Variants in ZSCAN5A observed in about 807,000 individuals in gnomAD.
The protein encoded by ZSCAN5A is zinc finger and SCAN domain containing 5A.
Under a neutral mutation model 23.7 loss-of-function variants are expected in ZSCAN5A, and 12 were observed. The observed-to-expected ratio is 0.51, with a 90% confidence interval of 0.32 to 0.82. ZSCAN5A has a LOEUF of 0.82. Ranked by LOEUF, ZSCAN5A falls within the 40% of genes least tolerant of loss-of-function variation. The pLI is 0.03. For synonymous variants in ZSCAN5A, 257 were observed against 239.9 expected (o/e 1.07, Z -0.66); for missense variants, 597 against 617.9 (o/e 0.97, Z 0.36).
chr19:56,342,964 C>T, intron 2 of ZSCAN5A: 2 of 936,310 alleles, frequency 2.1e-6, no homozygotes, highest in Non-Finnish European at 1.8e-6. Context: ...TGCCCATTTT[C>T]AAAAATACTT....
intron 2 of ZSCAN5A, chr19:56,354,470 G>A (rs1466906600): frequency 1.3e-5 from 2 of 152,198 alleles, no homozygotes; most frequent in Non-Finnish European, 2.9e-5. Context: ...TTGATGGGCA[G>A]GGGCATTATT....
intron 2 of ZSCAN5A, among the ~76,000 whole-genome samples, chr19:56,261,629 G>A (rs1395837125): frequency 6.6e-6 from 1 of 152,096 alleles, no homozygotes; most frequent in Admixed American, 6.6e-5. Flanking sequence ...GAGAGAGAGG[G>A]AGACAGAGAG....
At chr19:56,248,288 C>T (rs570574619) in intron 2 of ZSCAN5A, among the ~76,000 whole-genome samples, 95 of 151,168 alleles carry the variant, frequency 6.3e-4, no homozygotes, top group Non-Finnish European at 1.1e-3. Flanking sequence ...TGAGATGGGG[C>T]CTCACTCTTT....
intron 2 of ZSCAN5A, among the ~76,000 whole-genome samples, chr19:56,254,915 T>G (rs75865551): frequency 0.045 from 6,790 of 152,196 alleles, 523 homozygotes; most frequent in African/African-American, 0.15. Context: ...GTTAGCGTTC[T>G]TTATATACTC....
At chr19:56,225,209 T>C in intron 2 of ZSCAN5A, 36 bp from the exon 3 acceptor site, 1 of 1,417,806 alleles carries the variant, frequency 7.1e-7, no homozygotes, top group Non-Finnish European at 9.2e-7. Flanking sequence ...TTAGTTTAAG[T>C]TACTACTCCA....
At chr19:56,324,347 A>T (rs1183438747) in intron 2 of ZSCAN5A, among the ~76,000 whole-genome samples, 2 of 152,160 alleles carry the variant, frequency 1.3e-5, no homozygotes. Context: ...TATATGTATC[A>T]TATTTTGTTC....
At chr19:56,233,839 G>A (rs778075409) in intron 2 of ZSCAN5A, among the ~76,000 whole-genome samples, 1 of 152,070 alleles carries the variant, frequency 6.6e-6, no homozygotes, top group Non-Finnish European at 1.5e-5. Flanking sequence ...CTGTAACAAG[G>A]ATGCAAATGC....
intron 2 of ZSCAN5A, among the ~76,000 whole-genome samples, chr19:56,253,675 G>A (rs2036512559): frequency 1.3e-5 from 2 of 152,164 alleles, no homozygotes; most frequent in African/African-American, 2.4e-5. Context: ...GAATGAGGAC[G>A]CGTGGGGAGA....
chr19:56,321,180 G>T, intron 2 of ZSCAN5A: 1 of 658,396 alleles, frequency 1.5e-6, no homozygotes. Context: ...GTAATTACGT[G>T]CTTCATTCAA....
At chr19:56,262,741 A>T (rs150418427) in intron 2 of ZSCAN5A, among the ~76,000 whole-genome samples, 5 of 152,272 alleles carry the variant, frequency 3.3e-5, no homozygotes, top group African/African-American at 1.2e-4. Context: ...CCTGATTTTC[A>T]TTCAACATTA....
At chr19:56,343,251 CT>C in intron 2 of ZSCAN5A, 1 of 831,818 alleles carries the variant, frequency 1.2e-6, no homozygotes, top group Non-Finnish European at 1.9e-6. Flanking sequence ...TGGCAACCCC[CT>C]TCAGTATTCC....
chr19:56,288,262 C>T (rs577841572), intron 2 of ZSCAN5A, among the ~76,000 whole-genome samples: 6 of 152,304 alleles, frequency 3.9e-5, no homozygotes, highest in African/African-American at 1.4e-4. Context: ...CTCCTTCAAG[C>T]CCCCGGCAGC....
Position 56,352,848 on chromosome 19 carries a change from C to T in ZSCAN5A, c.-358+10387G>A, listed in dbSNP as rs750711952. ...AGTCCAGGCCTAGTCAGGAAGAGGA[C>T]TCAGGGAAGCCCAAGTCAAGTCTGG... On this transcript the variant is annotated intron_variant, in intron 2 of 6. Coordinates refer to the ZSCAN5A transcript ENST00000587340. The surrounding 1 kb of genome is among the most constrained non-coding windows in gnomAD (Gnocchi z 4.2). 1.3e-5 allele frequency among the ~76,000 whole-genome samples: 2 copies of T among 152,180 alleles called. No homozygotes were observed. Among genetic ancestry groups the T allele is most frequent in the Non-Finnish European group, 2.9e-5 (2 of 68,044 alleles).
intron 2 of ZSCAN5A, among the ~76,000 whole-genome samples, chr19:56,342,117 A>T (rs140343237): frequency 2.0e-3 from 307 of 152,270 alleles, no homozygotes; most frequent in Admixed American, 3.3e-3. Context: ...ACTTAATCAC[A>T]TAAAAGTTTT....
rs1186672715 is a variant in ZSCAN5A, at chr19:56,221,458, A to G, written c.*117T>C. On this transcript the variant is annotated 3_prime_UTR_variant, in exon 6 of 6. Transcript: ENST00000683990. ...TCAAACATCCTGGCAATTCATATCT[A>G]GGGCACTCCCTCTGTGTGTCAGACG... is the stretch of plus-strand genomic sequence containing the variant. The G allele has an allele frequency of 7.7e-6, 10 of 1,295,694 alleles. No homozygotes were observed. The highest frequency in any genetic ancestry group is 2.4e-5 in the Admixed American group (1 of 41,576). 80.3% of individuals were successfully genotyped at this position (1,295,694 alleles called of 1,614,324 possible).
chr19:56,272,463 T>G (rs1165757326), intron 2 of ZSCAN5A, among the ~76,000 whole-genome samples: 1 of 152,214 alleles, frequency 6.6e-6, no homozygotes, highest in Non-Finnish European at 1.5e-5. Context: ...TTCTATATAA[T>G]CTTCATGTCA....
intron 2 of ZSCAN5A, among the ~76,000 whole-genome samples, chr19:56,281,383 T>C (rs1471810675): frequency 6.6e-6 from 1 of 152,148 alleles, no homozygotes; most frequent in East Asian, 1.9e-4. Context: ...CATTTACATA[T>C]TTATATAAAT....
At chr19:56,238,120 CCA>C (rs1186218619) in intron 2 of ZSCAN5A, among the ~76,000 whole-genome samples, 1 of 148,054 alleles carries the variant, frequency 6.8e-6, no homozygotes, top group Non-Finnish European at 1.5e-5. Context: ...GAACACACAC[CCA>C]CACACAGACA....
Position 56,344,534 on chromosome 19 carries a change from A to G in ZSCAN5A, c.-358+18701T>C, listed in dbSNP as rs916349818. 3.3e-5 allele frequency among the ~76,000 whole-genome samples: 5 copies of G among 152,170 alleles called. No individual in the cohort carries two copies. The East Asian group carries it at 9.6e-4, about 29-fold the overall frequency. ...ACGCCTGTAATCCCAGCACTTTGGGAGGCCAAGGTGGGCGGATCACCAGGT... is the reference window on the plus strand; with the variant it reads ...ACGCCTGTAATCCCAGCACTTTGGGGGGCCAAGGTGGGCGGATCACCAGGT... On this transcript the variant is annotated intron_variant, in intron 2 of 6. Transcript: ENST00000587340.
Sources: gnomAD v4.1 joint callset for allele counts (sites outside exome capture counted in the v4.1 genomes callset) on GRCh38, gnomAD v4.1.1 for gene constraint, Gnocchi (gnomAD v3.1) non-coding constraint, MANE v1.5 for transcripts, NCBI Gene and HGNC (gene_info 2026-07-23, HGNC 2026-07-21) for gene names.